Variants in STX11 observed in about 807,000 individuals in gnomAD.
The protein encoded by STX11 is syntaxin-11.
In STX11, 21 loss-of-function variants were observed where a neutral mutation model predicts 19.9. The observed-to-expected ratio is 1.06, with a 90% CI of 0.75 to 1.52. The LOEUF (loss-of-function observed/expected upper bound fraction) is 1.52. Ranked by LOEUF, STX11 falls within the 40% of genes most tolerant of loss-of-function variation. The pLI is 0.00. For synonymous variants in STX11, 193 were observed against 174.4 expected, an observed-to-expected ratio of 1.11 and a Z score of -0.84; for missense variants, 438 against 405.9, an observed-to-expected ratio of 1.08 and a Z score of -0.68.
At chr6:144,166,663 C>CT (rs1284132796) in intron 1 of STX11, among the ~76,000 whole-genome samples, 1 of 151,604 alleles carries the variant, frequency 6.6e-6, no homozygotes, top group African/African-American at 2.4e-5. Flanking sequence ...GTAGCTGGGA[C>CT]TACAGGCATG....
the STX11 span, among the ~76,000 whole-genome samples, chr6:144,144,371 AC>A: frequency 6.6e-6 from 1 of 152,378 alleles, no homozygotes; most frequent in South Asian, 2.1e-4. Context: ...CCATTGAGGT[AC>A]AAAAAAGCCA....
At chr6:144,146,444 T>TA (rs1307071735), upstream of STX11, among the ~76,000 whole-genome samples, 1 of 152,184 alleles carries the variant, frequency 6.6e-6, no homozygotes, top group East Asian at 1.9e-4. The surrounding 1 kb of genome is among the most constrained non-coding windows in gnomAD (Gnocchi z 4.4). Flanking sequence ...GGCCATACTC[T>TA]AAACCCTGTC....
At chr6:144,146,254 C>T (rs558162712), upstream of STX11, among the ~76,000 whole-genome samples, 7 of 152,276 alleles carry the variant, frequency 4.6e-5, no homozygotes, top group African/African-American at 1.4e-4. The surrounding 1 kb of genome is among the most constrained non-coding windows in gnomAD (Gnocchi z 4.4). Flanking sequence ...TGCCACGCCC[C>T]GCACCCAGTG....
Sources: gnomAD v4.1 joint callset for allele counts (sites outside exome capture counted in the v4.1 genomes callset) on GRCh38, gnomAD v4.1.1 for gene constraint, Gnocchi (gnomAD v3.1) non-coding constraint, MANE v1.5 for transcripts, NCBI Gene and HGNC (gene_info 2026-07-23, HGNC 2026-07-21) for gene names.